Variants in ARSG observed in about 807,000 individuals in gnomAD.
ARSG encodes ASG.
ARSG carries 37 observed loss-of-function variants against 50.5 expected under a neutral mutation model. The observed-to-expected ratio is 0.73, with a 90% CI of 0.56 to 0.96. The LOEUF (loss-of-function observed/expected upper bound fraction) is 0.96. Ranked by LOEUF, ARSG falls within the 50% of genes least tolerant of loss-of-function variation. The probability of loss-of-function intolerance (pLI) is 0.00; values close to 1 mark genes in which losing one functional copy is unlikely to be tolerated. For missense variants in ARSG, 629 were observed against 675.3 expected, an observed-to-expected ratio of 0.93 and a Z score of 0.76; for synonymous variants, 225 against 254.6, an observed-to-expected ratio of 0.88 and a Z score of 1.11.
Position 68,307,469 on chromosome 17 carries a change from C to T in ARSG, c.-25C>T. 1 of 1,591,312 alleles carries T rather than the reference C, an allele frequency of 6.3e-7. No homozygotes were observed. Among genetic ancestry groups the T allele is most frequent in the Non-Finnish European group, 8.6e-7 (1 of 1,161,760 alleles). ...TAGTGGTGGCTGCCGTCGCTCCAGA[C>T]AATCGGAATCCTGCCTTCACCACCA... On this transcript the variant is annotated 5_prime_UTR_variant, in exon 2 of 12. Transcript: ENST00000621439.
rs562259782 is a variant in ARSG, at chr17:68,321,844, T to C, written c.218+14133T>C. ...ATTTTCAGACTTTAATTAGGACCCC[T>C]GATGATGAACTGGCCTGAGCCTGCC... On this transcript the variant is annotated intron_variant, in intron 2 of 11. Coordinates refer to ENST00000621439, the MANE Select transcript of ARSG (RefSeq NM_001267727.2). 7.2e-5 allele frequency among the ~76,000 whole-genome samples: 11 copies of C among 152,302 alleles called. No homozygotes were observed. The South Asian group carries it at 2.1e-3, about 29-fold the overall frequency.
chr17:68,266,417 T>C (rs148089200), intron 1 of ARSG, among the ~76,000 whole-genome samples: 2,447 of 63,174 alleles, frequency 0.039, 106 homozygotes, highest in African/African-American at 0.14. Flanking sequence ...GTATAAAAAG[T>C]ATATATATGT....
rs547463213 is a variant in ARSG at position 68,297,753 on chromosome 17, C to T, written c.-552+6185C>T. Among the ~76,000 whole-genome samples, 92 of 152,294 alleles carry T rather than the reference C, an allele frequency of 6.0e-4. 1 individual carries two copies. Among genetic ancestry groups the T allele is most frequent in the Middle Eastern group, 6.8e-3 (2 of 294 alleles). On this transcript the variant is annotated intron_variant, in intron 1 of 11. Coordinates refer to ENST00000621439, the MANE Select transcript of ARSG (RefSeq NM_001267727.2). Reference sequence around the variant, plus strand: ...GAGTGTTGGGATTACAGGCGTGAGCCGCTGTGCCCAGCCATTATGTTTTAT... The same window carrying T: ...GAGTGTTGGGATTACAGGCGTGAGCTGCTGTGCCCAGCCATTATGTTTTAT...
At chr17:68,349,744 G>A (rs150565391) in intron 4 of ARSG, among the ~76,000 whole-genome samples, 14 of 152,168 alleles carry the variant, frequency 9.2e-5, no homozygotes, top group African/African-American at 2.9e-4. Flanking sequence ...TTAGCTGGGC[G>A]TGGTGACAGG....
intron 4 of ARSG, among the ~76,000 whole-genome samples, chr17:68,347,433 T>G (rs1018995642): frequency 2.0e-5 from 3 of 152,196 alleles, no homozygotes; most frequent in African/African-American, 7.2e-5. Context: ...ATCAGCTTTT[T>G]TGCCATCTCT....
chr17:68,300,468 C>T (rs539037117), intron 1 of ARSG, among the ~76,000 whole-genome samples: 7 of 152,294 alleles, frequency 4.6e-5, no homozygotes, highest in African/African-American at 1.7e-4. Flanking sequence ...ATGTGGCAAA[C>T]AGGCTTCCAG....
chr17:68,394,905 A>G (rs2081165489), intron 9 of ARSG, among the ~76,000 whole-genome samples, 168 bp from the exon 10 acceptor site: 1 of 152,164 alleles, frequency 6.6e-6, no homozygotes, highest in Admixed American at 6.6e-5. Flanking sequence ...GTAGGAGCAG[A>G]AATCCAGGTG....
intron 11 of ARSG, among the ~76,000 whole-genome samples, chr17:68,413,318 T>G (rs971452411): frequency 2.0e-5 from 3 of 152,142 alleles, no homozygotes; most frequent in Non-Finnish European, 1.5e-5. Flanking sequence ...GTCCTTTCTG[T>G]TTGTTAGTTT....
chr17:68,435,645 G>A, the ARSG span: 3 of 1,614,098 alleles, frequency 1.9e-6, no homozygotes, highest in Non-Finnish European at 2.5e-6. Context: ...TGCTAGTTTG[G>A]AGCCTGAGGC....
intron 10 of ARSG, among the ~76,000 whole-genome samples, chr17:68,397,533 A>C (rs896375449): frequency 6.6e-6 from 1 of 152,160 alleles, no homozygotes; most frequent in Admixed American, 6.5e-5. Context: ...CCTCTCTATC[A>C]AAGCAAAGTC....
At chr17:68,284,806 A>G (rs1312306935) in intron 1 of ARSG, among the ~76,000 whole-genome samples, 1 of 152,238 alleles carries the variant, frequency 6.6e-6, no homozygotes, top group Non-Finnish European at 1.5e-5. Context: ...AAAATAAGGC[A>G]TAAGATGCTG....
chr17:68,374,621 G>T (rs2080051894), intron 8 of ARSG, among the ~76,000 whole-genome samples: 1 of 152,140 alleles, frequency 6.6e-6, no homozygotes, highest in South Asian at 2.1e-4. Flanking sequence ...GGAGGCTGAG[G>T]CAAGAAGATA....
intron 10 of ARSG, among the ~76,000 whole-genome samples, chr17:68,396,123 C>CT (rs1439287231): frequency 6.6e-6 from 1 of 151,990 alleles, no homozygotes; most frequent in Non-Finnish European, 1.5e-5. Context: ...ATTCTGCTGC[C>CT]TCACCCTCCC....
At chr17:68,421,821 C>G (rs1395491490), downstream of ARSG, 4 of 1,614,068 alleles carry the variant, frequency 2.5e-6, no homozygotes, top group African/African-American at 1.3e-5. Flanking sequence ...ACAAGATTAT[C>G]TACCAAAATC....
intron 1 of ARSG, among the ~76,000 whole-genome samples, chr17:68,298,549 T>G (rs2076290449): frequency 6.9e-6 from 1 of 144,438 alleles, no homozygotes; most frequent in South Asian, 2.2e-4. Flanking sequence ...GAGCTGAGAT[T>G]GCTCTACTGC....
downstream of ARSG, chr17:68,426,016 G>T (rs765080044): frequency 1.4e-6 from 2 of 1,392,132 alleles, no homozygotes; most frequent in Non-Finnish European, 2.0e-6. Context: ...CGTATGAGGC[G>T]AAGGTTTCCT....
chr17:68,402,031 G>C (rs904481344), intron 11 of ARSG, among the ~76,000 whole-genome samples: 1 of 152,118 alleles, frequency 6.6e-6, no homozygotes, highest in Non-Finnish European at 1.5e-5. Context: ...AGTTTTCCAA[G>C]AACAAGTCTC....
At chr17:68,353,953 C>T (rs769673471) in intron 5 of ARSG, among the ~76,000 whole-genome samples, 8 of 151,382 alleles carry the variant, frequency 5.3e-5, no homozygotes, top group African/African-American at 1.5e-4. Context: ...CTGCCTACCT[C>T]GGCTTCCCGA....
the ARSG span, among the ~76,000 whole-genome samples, chr17:68,444,922 T>G: frequency 7.0e-6 from 1 of 143,726 alleles, no homozygotes; most frequent in Non-Finnish European, 1.5e-5. Context: ...ACACTTTTTT[T>G]TTTTTTTTTT....
Sources: gnomAD v4.1 joint callset for allele counts (sites outside exome capture counted in the v4.1 genomes callset) on GRCh38, gnomAD v4.1.1 for gene constraint, MANE v1.5 for transcripts, NCBI Gene and HGNC (gene_info 2026-07-23, HGNC 2026-07-21) for gene names.